CNTNAP2: variants seen among roughly 807,000 people sequenced by gnomAD.
CNTNAP2 encodes contactin-associated protein-like 2.
CNTNAP2 carries 98 observed loss-of-function variants against 155.2 expected under a neutral mutation model. That is an observed-to-expected ratio of 0.63 (90% CI 0.54 to 0.75). CNTNAP2 has a LOEUF of 0.75. Among genes scored for constraint, CNTNAP2 ranks in the 30% least tolerant of loss-of-function variants. The pLI is 0.00. For synonymous variants in CNTNAP2, 651 were observed against 631.2 expected (o/e 1.03, Z -0.47); for missense variants, 1,727 against 1,688.1 (o/e 1.02, Z -0.40).
chr7:148,044,698 A>G (rs1330155473), intron 15 of CNTNAP2: 1 of 152,288 alleles, frequency 6.6e-6, no homozygotes, highest in African/African-American at 2.4e-5. Context: ...CCCAGCCTCC[A>G]GAACTGTAAG....
intron 1 of CNTNAP2, among the ~76,000 whole-genome samples, chr7:146,741,788 A>G (rs545228668): frequency 6.6e-6 from 1 of 152,300 alleles, no homozygotes; most frequent in East Asian, 1.9e-4. Context: ...AGGAGATGAA[A>G]GTGATCCAGA....
chr7:148,051,572 T>C (rs1293100679), intron 15 of CNTNAP2, among the ~76,000 whole-genome samples: 1 of 152,184 alleles, frequency 6.6e-6, no homozygotes, highest in Non-Finnish European at 1.5e-5. Context: ...GAATACTGTT[T>C]ACATAAGAAG....
chr7:147,784,588 T>C (rs1797710703), intron 13 of CNTNAP2, among the ~76,000 whole-genome samples: 2 of 118,970 alleles, frequency 1.7e-5, no homozygotes, highest in Non-Finnish European at 3.5e-5. Flanking sequence ...GTGAGCAGAG[T>C]GGGAAATGAG....
chr7:146,427,051 C>T (rs1796103786), intron 1 of CNTNAP2, among the ~76,000 whole-genome samples: 1 of 152,046 alleles, frequency 6.6e-6, no homozygotes, highest in Non-Finnish European at 1.5e-5. Context: ...AAAACAAAAA[C>T]TATTATAGTT....
intron 1 of CNTNAP2, among the ~76,000 whole-genome samples, chr7:146,608,752 A>G (rs545378504): frequency 3.7e-4 from 56 of 152,122 alleles, no homozygotes; most frequent in African/African-American, 1.3e-3. Context: ...TTGATATTCC[A>G]TTTCATTTTA....
chr7:147,202,818 T>A (rs1259258780), intron 8 of CNTNAP2, among the ~76,000 whole-genome samples: 1 of 150,592 alleles, frequency 6.6e-6, no homozygotes, highest in East Asian at 2.0e-4. Flanking sequence ...GCTGGGGTAG[T>A]GATAGCATTA....
chr7:146,811,559 T>C (rs951835655), intron 2 of CNTNAP2, among the ~76,000 whole-genome samples: 1 of 152,114 alleles, frequency 6.6e-6, no homozygotes, highest in Non-Finnish European at 1.5e-5. Context: ...TATATAAATT[T>C]TGTTTATGTT....
intron 13 of CNTNAP2, among the ~76,000 whole-genome samples, chr7:147,795,088 A>G (rs1797872202): frequency 1.3e-5 from 2 of 151,232 alleles, no homozygotes; most frequent in African/African-American, 4.9e-5. Context: ...TATTTTGTAT[A>G]TCTCCACTCT....
intron 21 of CNTNAP2, among the ~76,000 whole-genome samples, chr7:148,297,754 T>C (rs1026881862): frequency 1.3e-5 from 2 of 152,170 alleles, no homozygotes; most frequent in Admixed American, 1.3e-4. Flanking sequence ...AGGGGTATGT[T>C]GGATCATTTT....
chr7:146,334,213 G>A (rs1461779943), intron 1 of CNTNAP2, among the ~76,000 whole-genome samples: 1 of 152,052 alleles, frequency 6.6e-6, no homozygotes, highest in African/African-American at 2.4e-5. Flanking sequence ...AAGCAGATTA[G>A]GAGGTCAGGA....
chr7:148,302,708 C>T (rs1375121645), intron 21 of CNTNAP2, among the ~76,000 whole-genome samples: 1 of 152,010 alleles, frequency 6.6e-6, no homozygotes, highest in Non-Finnish European at 1.5e-5. Flanking sequence ...CGCCTGCCTA[C>T]TTCCCCTTCC....
At chr7:146,863,424 C>A (rs535606797) in intron 3 of CNTNAP2, among the ~76,000 whole-genome samples, 2 of 152,078 alleles carry the variant, frequency 1.3e-5, no homozygotes, top group African/African-American at 4.8e-5. Flanking sequence ...AGAGGTATGT[C>A]TTTCATATGA....
rs552701622 is a variant in CNTNAP2, at chr7:148,269,991, T to C, written c.3475+2865T>C. Among the ~76,000 whole-genome samples, 15 of 152,324 alleles carry C rather than the reference T, an allele frequency of 9.8e-5. 1 individual carries two copies. The South Asian group carries it at 3.1e-3, about 32-fold the overall frequency. On this transcript the variant is annotated intron_variant, in intron 21 of 23. Coordinates refer to ENST00000361727, the MANE Select transcript of CNTNAP2 (RefSeq NM_014141.6). ...CAACTATAAACATACCCGAAAATAATAGACTTTTTATTACTTTGTGGAACC... is the reference window on the plus strand; with the variant it reads ...CAACTATAAACATACCCGAAAATAACAGACTTTTTATTACTTTGTGGAACC...
intron 1 of CNTNAP2, among the ~76,000 whole-genome samples, chr7:146,694,260 T>C (rs1426639750): frequency 6.6e-6 from 1 of 152,224 alleles, no homozygotes; most frequent in Non-Finnish European, 1.5e-5. Flanking sequence ...GGGTTATGTG[T>C]AAACAATACT....
intron 21 of CNTNAP2, among the ~76,000 whole-genome samples, chr7:148,334,374 G>A (rs1035515947): frequency 6.6e-6 from 1 of 152,168 alleles, no homozygotes; most frequent in African/African-American, 2.4e-5. Context: ...CAGTCAATCG[G>A]GTGGCCTACC....
intron 1 of CNTNAP2, among the ~76,000 whole-genome samples, chr7:146,508,048 T>C (rs1292835801): frequency 2.6e-5 from 4 of 152,204 alleles, no homozygotes; most frequent in Non-Finnish European, 5.9e-5. Flanking sequence ...TGTTACTTTA[T>C]TTAGTTCTCG....
intron 13 of CNTNAP2, among the ~76,000 whole-genome samples, chr7:147,741,955 G>A (rs775620003): frequency 1.4e-4 from 21 of 152,160 alleles, no homozygotes; most frequent in African/African-American, 3.1e-4. Context: ...ACAATTTCAC[G>A]TGGCTGGGGA....
intron 1 of CNTNAP2, among the ~76,000 whole-genome samples, chr7:146,411,192 C>T (rs113021785): frequency 0.035 from 5,150 of 148,692 alleles, 142 homozygotes; most frequent in African/African-American, 0.077. Flanking sequence ...AGTCTTGCTC[C>T]GTTGCCCAGG....
chr7:146,459,697 G>A (rs142236813), intron 1 of CNTNAP2, among the ~76,000 whole-genome samples: 7 of 152,260 alleles, frequency 4.6e-5, no homozygotes, highest in East Asian at 3.9e-4. Context: ...CTGGACAAGC[G>A]CGGTGCCTCA....
Sources: gnomAD v4.1 joint callset for allele counts (sites outside exome capture counted in the v4.1 genomes callset) on GRCh38, gnomAD v4.1.1 for gene constraint, MANE v1.5 for transcripts, NCBI Gene and HGNC (gene_info 2026-07-23, HGNC 2026-07-21) for gene names.